Variants in SYT1 observed in about 807,000 individuals in gnomAD.
SYT1 encodes the protein synaptotagmin-1.
Under a neutral mutation model 44.8 loss-of-function variants are expected in SYT1, and 8 were observed. The observed-to-expected ratio is 0.18, with a 90% CI of 0.10 to 0.32. The LOEUF (loss-of-function observed/expected upper bound fraction) is 0.32, where lower values mean the gene tolerates loss of function less well. Ranked by LOEUF, SYT1 falls within the 10% of genes least tolerant of loss-of-function variation. The pLI is 1.00. For missense variants in SYT1, 286 were observed against 509.3 expected (o/e 0.56, Z 4.22); for synonymous variants, 154 against 188.8 (o/e 0.82, Z 1.51).
At chr12:79,214,186 T>C (rs1463407561) in intron 3 of SYT1, among the ~76,000 whole-genome samples, 1 of 152,188 alleles carries the variant, frequency 6.6e-6, no homozygotes, top group Non-Finnish European at 1.5e-5. Context: ...CATTTTTGTA[T>C]TTTATGATTT....
chr12:79,228,736 G>A (rs1183741345), intron 4 of SYT1, among the ~76,000 whole-genome samples: 1 of 152,096 alleles, frequency 6.6e-6, no homozygotes, highest in Non-Finnish European at 1.5e-5. Context: ...CACATATTCT[G>A]TACCTGCATT....
At chr12:79,265,269 T>A (rs1185365049) in intron 4 of SYT1, among the ~76,000 whole-genome samples, 1 of 152,140 alleles carries the variant, frequency 6.6e-6, no homozygotes, top group East Asian at 1.9e-4. Context: ...AGAGGAAAAC[T>A]GAAGTTCAGA....
chr12:79,173,853 A>C, intron 3 of SYT1, among the ~76,000 whole-genome samples: 1 of 152,072 alleles, frequency 6.6e-6, no homozygotes, highest in Admixed American at 6.6e-5. Flanking sequence ...GATAAGGCAG[A>C]CATCATAAAG....
At chr12:79,410,459 T>C (rs1013447444) in intron 9 of SYT1, among the ~76,000 whole-genome samples, 2 of 127,378 alleles carry the variant, frequency 1.6e-5, no homozygotes, top group African/African-American at 6.1e-5. Flanking sequence ...TTTCCACTTA[T>C]CACTACAGAT....
intron 9 of SYT1, among the ~76,000 whole-genome samples, chr12:79,361,434 C>G (rs1300788666): frequency 6.6e-6 from 1 of 152,108 alleles, no homozygotes. Context: ...GCAGGTTCAA[C>G]CTGGAGAACA....
At chr12:78,993,035 A>G (rs1346427835) in intron 2 of SYT1, among the ~76,000 whole-genome samples, 1 of 152,170 alleles carries the variant, frequency 6.6e-6, no homozygotes, top group East Asian at 1.9e-4. Flanking sequence ...TTTGTCAGCA[A>G]CAAGATGGCA....
chr12:79,077,755 C>A (rs1876754158), intron 3 of SYT1, among the ~76,000 whole-genome samples: 1 of 152,086 alleles, frequency 6.6e-6, no homozygotes, highest in Admixed American at 6.6e-5. Context: ...CTGAAGGGAA[C>A]TATGAAAAGC....
intron 8 of SYT1, among the ~76,000 whole-genome samples, chr12:79,351,221 A>T (rs2136001819): frequency 6.6e-6 from 1 of 152,292 alleles, no homozygotes; most frequent in South Asian, 2.1e-4. Flanking sequence ...CCTGCTTCCG[A>T]GCATGCTTTT....
At chr12:79,145,097 G>A (rs1869794004) in intron 3 of SYT1, among the ~76,000 whole-genome samples, 1 of 152,138 alleles carries the variant, frequency 6.6e-6, no homozygotes, top group South Asian at 2.1e-4. Flanking sequence ...TGAGGATCAA[G>A]CTAGATAATG....
chr12:79,041,657 CTA>C (rs1347125890), intron 2 of SYT1, among the ~76,000 whole-genome samples: 1 of 152,042 alleles, frequency 6.6e-6, no homozygotes, highest in Non-Finnish European at 1.5e-5. Context: ...ACTTCCAACA[CTA>C]TGTTGAATAG....
chr12:79,168,448 G>T (rs957525888), intron 3 of SYT1, among the ~76,000 whole-genome samples: 3 of 152,010 alleles, frequency 2.0e-5, no homozygotes, highest in Admixed American at 6.6e-5. Flanking sequence ...GTTTGATCTG[G>T]CAAAGATGGG....
chr12:79,096,242 C>A (rs191699549), intron 3 of SYT1, among the ~76,000 whole-genome samples: 1 of 151,968 alleles, frequency 6.6e-6, no homozygotes, highest in Non-Finnish European at 1.5e-5. Context: ...GAAAAAGCCT[C>A]TCCCTGCAAC....
At chr12:79,043,564 T>G (rs1400033198) in intron 2 of SYT1, among the ~76,000 whole-genome samples, 1 of 151,256 alleles carries the variant, frequency 6.6e-6, no homozygotes, top group African/African-American at 2.4e-5. Context: ...CACTGATGGG[T>G]CTTGACTCTT....
At chr12:78,949,687 T>C (rs1018820395) in intron 1 of SYT1, among the ~76,000 whole-genome samples, 1 of 151,996 alleles carries the variant, frequency 6.6e-6, no homozygotes, top group African/African-American at 2.4e-5. Flanking sequence ...AGTAACAAAA[T>C]TTATTTTTGA....
At chr12:79,013,720 T>G (rs574970650) in intron 2 of SYT1, among the ~76,000 whole-genome samples, 27 of 152,352 alleles carry the variant, frequency 1.8e-4, no homozygotes, top group African/African-American at 6.5e-4. Flanking sequence ...AAGCCACTTT[T>G]ATTCTAGATA....
chr12:79,423,786 T>C (rs1429668669), intron 9 of SYT1, among the ~76,000 whole-genome samples: 1 of 151,768 alleles, frequency 6.6e-6, no homozygotes, highest in African/African-American at 2.4e-5. Context: ...GTCCCTCTCC[T>C]AAATATGCCG....
intron 9 of SYT1, among the ~76,000 whole-genome samples, chr12:79,425,007 G>T (rs1593056333): frequency 1.6e-5 from 2 of 122,916 alleles, no homozygotes; most frequent in African/African-American, 3.1e-5. Context: ...AAATTTCAGT[G>T]ATAAAAATTA....
At chr12:78,999,072 A>G (rs1202156570) in intron 2 of SYT1, among the ~76,000 whole-genome samples, 2 of 152,166 alleles carry the variant, frequency 1.3e-5, no homozygotes, top group African/African-American at 4.8e-5. Flanking sequence ...AACATGGCTT[A>G]TTTTAGTGCT....
intron 1 of SYT1, among the ~76,000 whole-genome samples, chr12:78,972,773 T>C (rs1868472649): frequency 6.6e-6 from 1 of 151,932 alleles, no homozygotes; most frequent in Admixed American, 6.6e-5. Context: ...CAATATAATA[T>C]AGATAAGTAT....
Sources: allele counts gnomAD v4.1 joint callset (sites outside exome capture counted in the v4.1 genomes callset), GRCh38; gene constraint gnomAD v4.1.1; transcripts MANE v1.5; gene names NCBI Gene and HGNC (gene_info 2026-07-23, HGNC 2026-07-21).